The following OSBPL6 variants were observed in gnomAD, a reference collection of about 807,000 sequenced individuals.
OSBPL6 encodes the protein oxysterol-binding protein-related protein 6.
In OSBPL6, 49 loss-of-function variants were observed where a neutral mutation model predicts 125.8. The ratio of observed to expected loss-of-function variants is 0.39; its 90% confidence interval spans 0.31 to 0.49. OSBPL6 has a LOEUF of 0.49. OSBPL6 is among the 20% of genes least tolerant of loss of function. The pLI is 0.88. For missense variants in OSBPL6, 986 were observed against 1,135.4 expected (o/e 0.87, Z 1.89); for synonymous variants, 394 against 391.8 (o/e 1.01, Z -0.07).
chr2:178,267,540 T>C (rs1038129528), intron 1 of OSBPL6, among the ~76,000 whole-genome samples: 3 of 152,056 alleles, frequency 2.0e-5, no homozygotes, highest in Admixed American at 2.0e-4. Context: ...TATATGTAAG[T>C]ATAAGCTATA....
At chr2:178,291,760 C>G (rs572640115) in intron 2 of OSBPL6, among the ~76,000 whole-genome samples, 3 of 132,840 alleles carry the variant, frequency 2.3e-5, no homozygotes, top group Non-Finnish European at 4.8e-5. Context: ...CTCCCTTTTT[C>G]CTTTCCTCCT....
rs374483449 is a variant in OSBPL6, at chr2:178,382,421, C to G, written c.1535C>G (p.Ala512Gly). 1 of 1,600,460 alleles carries G rather than the reference C, an allele frequency of 6.2e-7. No individual in the cohort carries two copies. ...LLSASSSENE[A>G]SDDESYISDV... ...CTTGTATGTTCTTCCCTTCCTTAGGCTTCAGATGATGAGTCTTACATCAGT... is the reference window on the plus strand; with the variant it reads ...CTTGTATGTTCTTCCCTTCCTTAGGGTTCAGATGATGAGTCTTACATCAGT... Residue 512 changes from alanine to glycine, a missense_variant and splice_region_variant, in exon 16 of 25, where the codon GCT (alanine) becomes GGT (glycine). By Grantham distance (60) the Ala-to-Gly change is moderately conservative. This residue lies in a region of OSBPL6 where 843 missense variants were observed against 997.3 expected (regional missense o/e 0.85). Transcript: ENST00000190611.
chr2:178,390,967 G>T (rs1695353615), intron 21 of OSBPL6, 106 bp from the exon 22 acceptor site: 8 of 1,413,014 alleles, frequency 5.7e-6, no homozygotes, highest in Non-Finnish European at 7.8e-6. Flanking sequence ...TCTGAAAATG[G>T]TTTGAATAAG....
intron 13 of OSBPL6, 143 bp from the exon 14 acceptor site, chr2:178,371,982 TG>T: frequency 2.0e-6 from 1 of 511,880 alleles, no homozygotes; most frequent in Non-Finnish European, 3.4e-6. Flanking sequence ...TACTCCTTGC[TG>T]GTAGGGTCTG....
At chr2:178,231,079 A>G (rs376765695) in intron 1 of OSBPL6, among the ~76,000 whole-genome samples, 45 of 152,160 alleles carry the variant, frequency 3.0e-4, no homozygotes, top group African/African-American at 1.1e-3. Context: ...AGAAGAAAGG[A>G]GAGAGGAGAG....
At chr2:178,344,563 A>G (rs550161869) in intron 11 of OSBPL6, among the ~76,000 whole-genome samples, 2 of 152,220 alleles carry the variant, frequency 1.3e-5, no homozygotes, top group Non-Finnish European at 2.9e-5. Flanking sequence ...ATGGAGAACT[A>G]TTATATAATC....
At chr2:178,227,969 T>C (rs2090633072) in intron 1 of OSBPL6, among the ~76,000 whole-genome samples, 1 of 152,138 alleles carries the variant, frequency 6.6e-6, no homozygotes, top group Non-Finnish European at 1.5e-5. Flanking sequence ...CACATGTGAA[T>C]GTGTCTTATA....
At chr2:178,264,967 G>A (rs2092182514) in intron 1 of OSBPL6, among the ~76,000 whole-genome samples, 1 of 151,626 alleles carries the variant, frequency 6.6e-6, no homozygotes, top group African/African-American at 2.4e-5. Context: ...ATAGCCCTCT[G>A]CAGCCTCCAA....
intron 1 of OSBPL6, among the ~76,000 whole-genome samples, chr2:178,258,729 C>T (rs559530773): frequency 6.7e-6 from 1 of 150,122 alleles, no homozygotes; most frequent in South Asian, 2.1e-4. Flanking sequence ...GCTGTCAACT[C>T]CCCATCCTGC....
intron 3 of OSBPL6, among the ~76,000 whole-genome samples, chr2:178,308,681 A>G (rs1687000646): frequency 6.6e-6 from 1 of 152,166 alleles, no homozygotes; most frequent in Non-Finnish European, 1.5e-5. Context: ...CAGGATAACC[A>G]TTCTCTTAGA....
intron 1 of OSBPL6, among the ~76,000 whole-genome samples, chr2:178,229,131 T>A (rs991982340): frequency 6.6e-6 from 1 of 152,198 alleles, no homozygotes; most frequent in East Asian, 1.9e-4. Context: ...CCCCGCCTTA[T>A]AACAACCCAC....
chr2:178,334,619 C>T (rs1277158244), intron 8 of OSBPL6, among the ~76,000 whole-genome samples: 1 of 152,124 alleles, frequency 6.6e-6, no homozygotes. Flanking sequence ...ACCTCCTCCT[C>T]CTGAATTCAA....
At chr2:178,204,878 T>C (rs931857437) in intron 1 of OSBPL6, among the ~76,000 whole-genome samples, 1 of 152,214 alleles carries the variant, frequency 6.6e-6, no homozygotes, top group East Asian at 1.9e-4. Flanking sequence ...TGATTCCTTT[T>C]TGCTACTATT....
intron 1 of OSBPL6, among the ~76,000 whole-genome samples, chr2:178,229,159 C>T (rs1228592071): frequency 1.3e-5 from 2 of 152,114 alleles, no homozygotes; most frequent in South Asian, 2.1e-4. Flanking sequence ...TTAACTAACC[C>T]AGTCTCTTGA....
intron 1 of OSBPL6, among the ~76,000 whole-genome samples, chr2:178,199,593 T>C (rs1308969300): frequency 6.6e-6 from 1 of 152,012 alleles, no homozygotes; most frequent in African/African-American, 2.4e-5. Context: ...GGTTTTTTTT[T>C]TTTTTTTCAT....
At chr2:178,379,479 CAG>C (rs1007217004) in intron 15 of OSBPL6, among the ~76,000 whole-genome samples, 11 of 151,276 alleles carry the variant, frequency 7.3e-5, no homozygotes, top group African/African-American at 2.4e-4. Flanking sequence ...AAAAAAGAAA[CAG>C]AAAAGGAAAG....
intron 1 of OSBPL6, among the ~76,000 whole-genome samples, chr2:178,283,178 G>A (rs1002643802): frequency 1.3e-5 from 2 of 152,130 alleles, no homozygotes; most frequent in African/African-American, 4.8e-5. Flanking sequence ...TTACAACACA[G>A]TAGAATTTTT....
chr2:178,232,353 G>C (rs190038227), intron 1 of OSBPL6, among the ~76,000 whole-genome samples: 8 of 152,078 alleles, frequency 5.3e-5, no homozygotes, highest in Admixed American at 5.2e-4. Flanking sequence ...AACAAGTTTG[G>C]AAATTACTAA....
At chr2:178,317,496 C>A (rs1224763038) in intron 3 of OSBPL6, among the ~76,000 whole-genome samples, 1 of 134,528 alleles carries the variant, frequency 7.4e-6, no homozygotes, top group African/African-American at 2.8e-5. Flanking sequence ...ATTATTCATT[C>A]ATTCAGCAAA....
Sources: allele counts gnomAD v4.1 joint callset (sites outside exome capture counted in the v4.1 genomes callset), GRCh38; gene constraint gnomAD v4.1.1; regional missense constraint gnomAD v4.1.1; transcripts MANE v1.5; gene names NCBI Gene and HGNC (gene_info 2026-07-23, HGNC 2026-07-21).